Variants in DUSP16 observed in about 807,000 individuals in gnomAD.
DUSP16 encodes dual specificity protein phosphatase 16.
In DUSP16, 21 loss-of-function variants were observed where a neutral mutation model predicts 58.3. The observed-to-expected ratio is 0.36, with a 90% CI of 0.26 to 0.52. DUSP16 has a LOEUF of 0.52. DUSP16 is among the 20% of genes least tolerant of loss of function. The pLI, the probability that DUSP16 is intolerant of heterozygous loss-of-function variation, is 0.94. For synonymous variants in DUSP16, 320 were observed against 323.8 expected (o/e 0.99, Z 0.12); for missense variants, 726 against 819.0 (o/e 0.89, Z 1.39).
intron 3 of DUSP16, among the ~76,000 whole-genome samples, chr12:12,513,468 C>T (rs1944106337): frequency 1.3e-5 from 2 of 152,164 alleles, no homozygotes; most frequent in Admixed American, 6.5e-5. Context: ...AGCCTCCTGA[C>T]AAAATTCCAG....
chr12:12,476,273 A>C lies in DUSP16; in HGVS notation c.*560T>G, dbSNP rs1374397485. The C allele has an allele frequency of 6.5e-6, 1 of 152,732 alleles. No homozygotes were observed. Among genetic ancestry groups the C allele is most frequent in the Non-Finnish European group, 1.5e-5 (1 of 68,138 alleles). The allele number at this position is 152,732 out of a possible 1,614,324, so 9.5% of individuals were successfully genotyped here. A position where few individuals can be genotyped will look rare whatever the true frequency, so the allele number is the denominator to read the frequency against. ...TAAGGTAGACCTTGGCAAGGCCCCT[A>C]ATGGTCCGTCCAGCAGAGTGATGCT... is the stretch of plus-strand genomic sequence containing the variant. On this transcript the variant is annotated 3_prime_UTR_variant, in exon 7 of 7. Coordinates refer to ENST00000298573, the MANE Select transcript of DUSP16 (RefSeq NM_030640.3).
At chr12:12,549,925 C>G (rs1447635670) in intron 1 of DUSP16, among the ~76,000 whole-genome samples, 1 of 152,136 alleles carries the variant, frequency 6.6e-6, no homozygotes, top group Non-Finnish European at 1.5e-5. Context: ...ATGGCTCATC[C>G]TACACACTAA....
At chr12:12,522,766 G>A (rs1427743162) in intron 1 of DUSP16, among the ~76,000 whole-genome samples, 3 of 151,886 alleles carry the variant, frequency 2.0e-5, no homozygotes, top group Non-Finnish European at 2.9e-5. Flanking sequence ...GTTTCGCCAT[G>A]TTGCCCAGGC....
At chr12:12,488,663 T>C (rs988743155) in intron 4 of DUSP16, among the ~76,000 whole-genome samples, 2 of 152,338 alleles carry the variant, frequency 1.3e-5, no homozygotes, top group Admixed American at 6.5e-5. Flanking sequence ...CTACAAATCT[T>C]TTCCAACTAC....
chr12:12,473,462 C>T lies in DUSP16; in HGVS notation c.*3371G>A, dbSNP rs1592153704. 6.6e-6 allele frequency among the ~76,000 whole-genome samples: 1 copy of T among 152,208 alleles called. No individual in the cohort carries two copies. The highest frequency in any genetic ancestry group is 1.5e-5 in the Non-Finnish European group (1 of 68,046). ...ACTGAAACAACTGTTCCTCCTGTTA[C>T]CCTCTATCTCTGGAGGCTGATTTAT... On this transcript the variant is annotated 3_prime_UTR_variant, in exon 7 of 7. Transcript: ENST00000298573.
intron 1 of DUSP16, among the ~76,000 whole-genome samples, chr12:12,532,202 C>T (rs1247817477): frequency 6.6e-6 from 1 of 152,100 alleles, no homozygotes; most frequent in Non-Finnish European, 1.5e-5. Context: ...CAAGAAAGTG[C>T]TTTATCTTTC....
Position 12,477,018 on chromosome 12 carries a change from C to CACTT in DUSP16, c.1809_1812dup (p.Asp605LysfsTer2). ...CAGCTCCGCCGCGAGTCAGCTCTGTCACTTGGCTTCTGCCGCCTGCGCACA... is the reference window on the plus strand; with the variant it reads ...CAGCTCCGCCGCGAGTCAGCTCTGTCACTTACTTGGCTTCTGCCGCCTGCGCACA... On this transcript the variant is annotated frameshift_variant, in exon 7 of 7. Transcript: ENST00000298573. LOFTEE classifies it high-confidence loss of function. This position sits in a 1 kb window ranked among gnomAD's most constrained non-coding sequence, Gnocchi z 4.1. 1 of 1,614,254 alleles carries CACTT rather than the reference C, an allele frequency of 6.2e-7. No individual in the cohort carries two copies. The highest frequency in any genetic ancestry group is 8.5e-7 in the Non-Finnish European group (1 of 1,180,044).
intron 1 of DUSP16, among the ~76,000 whole-genome samples, chr12:12,532,087 A>G (rs1038940666): frequency 5.9e-5 from 9 of 151,962 alleles, no homozygotes; most frequent in African/African-American, 1.4e-4. Flanking sequence ...GAACCCGGGA[A>G]GCGGAGCTTG....
At chr12:12,540,731 G>A (rs1358814712) in intron 1 of DUSP16, among the ~76,000 whole-genome samples, 1 of 151,992 alleles carries the variant, frequency 6.6e-6, no homozygotes, top group Non-Finnish European at 1.5e-5. Context: ...AACTCCTTAG[G>A]GTGCTACACA....
intron 1 of DUSP16, among the ~76,000 whole-genome samples, chr12:12,540,585 T>C (rs940779882): frequency 2.0e-5 from 3 of 152,208 alleles, no homozygotes; most frequent in Non-Finnish European, 4.4e-5. Flanking sequence ...TCATAAGATA[T>C]CTATAAGGCT....
intron 1 of DUSP16, among the ~76,000 whole-genome samples, chr12:12,554,265 C>G (rs1184625360): frequency 2.0e-5 from 3 of 148,488 alleles, no homozygotes; most frequent in Non-Finnish European, 4.4e-5. Flanking sequence ...AATGTCCAAG[C>G]ATATAATTTT....
chr12:12,559,835 C>T (rs1388685407), intron 1 of DUSP16, among the ~76,000 whole-genome samples: 2 of 152,170 alleles, frequency 1.3e-5, no homozygotes, highest in Non-Finnish European at 1.5e-5. Flanking sequence ...CTAAACTCTG[C>T]AACCTTCTCA....
chr12:12,484,325 G>A (rs1280590470), intron 5 of DUSP16, among the ~76,000 whole-genome samples: 2 of 152,162 alleles, frequency 1.3e-5, no homozygotes, highest in Non-Finnish European at 2.9e-5. Flanking sequence ...TGTATTTTGT[G>A]TGTATGTGTT....
intron 3 of DUSP16, among the ~76,000 whole-genome samples, chr12:12,509,460 T>A (rs925598352): frequency 1.3e-5 from 2 of 152,016 alleles, no homozygotes; most frequent in African/African-American, 4.8e-5. Flanking sequence ...TGATACTATC[T>A]TCCCTAATTC....
At chr12:12,542,330 G>A (rs560236554) in intron 1 of DUSP16, among the ~76,000 whole-genome samples, 4 of 144,126 alleles carry the variant, frequency 2.8e-5, no homozygotes, top group South Asian at 2.2e-4. Context: ...CCGAGATCAC[G>A]CCATTGCACT....
At chr12:12,523,913 G>C (rs148475205) in intron 1 of DUSP16, among the ~76,000 whole-genome samples, 38 of 152,322 alleles carry the variant, frequency 2.5e-4, no homozygotes, top group African/African-American at 9.1e-4. Flanking sequence ...GGCACAGAAA[G>C]TGGAAATCCG....
At chr12:12,510,978 G>A (rs931677491) in intron 3 of DUSP16, among the ~76,000 whole-genome samples, 1 of 152,182 alleles carries the variant, frequency 6.6e-6, no homozygotes, top group African/African-American at 2.4e-5. Context: ...AGTTAGCAAG[G>A]TAGGCAGAAG....
chr12:12,547,205 GATCA>G (rs1453226727), intron 1 of DUSP16, among the ~76,000 whole-genome samples: 2 of 152,062 alleles, frequency 1.3e-5, no homozygotes, highest in African/African-American at 2.4e-5. Flanking sequence ...GAGGCAGGTG[GATCA>G]CCTGAGGTCA....
intron 1 of DUSP16, among the ~76,000 whole-genome samples, chr12:12,552,527 C>G (rs953448387): frequency 1.3e-5 from 2 of 152,154 alleles, no homozygotes; most frequent in African/African-American, 4.8e-5. Context: ...TATGAAAAGA[C>G]TATGAAAATA....
Sources: allele counts gnomAD v4.1 joint callset (sites outside exome capture counted in the v4.1 genomes callset), GRCh38; gene constraint gnomAD v4.1.1; non-coding constraint Gnocchi (gnomAD v3.1); transcripts MANE v1.5; gene names NCBI Gene and HGNC (gene_info 2026-07-23, HGNC 2026-07-21).